The following CDH18 variants were observed in gnomAD, a reference collection of about 807,000 sequenced individuals.
CDH18 encodes cadherin 18, also known as cadherin-18.
A neutral mutation model predicts 67.9 loss-of-function variants in CDH18; 31 were observed. The ratio of observed to expected loss-of-function variants is 0.46; its 90% confidence interval spans 0.34 to 0.62. The LOEUF (loss-of-function observed/expected upper bound fraction) is 0.62, where lower values mean the gene tolerates loss of function less well. Among genes scored for constraint, CDH18 ranks in the 20% least tolerant of loss-of-function variants. CDH18 has a pLI of 0.01. For synonymous variants in CDH18, 362 were observed against 347.2 expected (o/e 1.04, Z -0.48); for missense variants, 890 against 975.5 (o/e 0.91, Z 1.17).
intron 1 of CDH18, among the ~76,000 whole-genome samples, chr5:20,553,756 C>G (rs1757765257): frequency 6.6e-6 from 1 of 152,110 alleles, no homozygotes; most frequent in Non-Finnish European, 1.5e-5. Flanking sequence ...TCTTCACCCA[C>G]ACTTGAAATG....
chr5:20,278,331 C>T (rs1354578559), intron 1 of CDH18, among the ~76,000 whole-genome samples: 1 of 151,860 alleles, frequency 6.6e-6, no homozygotes, highest in Non-Finnish European at 1.5e-5. Flanking sequence ...TGGTGCAAAT[C>T]TTACAGGGCA....
intron 3 of CDH18, among the ~76,000 whole-genome samples, chr5:19,810,481 G>C (rs1408349750): frequency 6.6e-6 from 1 of 152,040 alleles, no homozygotes; most frequent in African/African-American, 2.4e-5. Context: ...TAATACATTA[G>C]AGATAAAACT....
chr5:19,794,554 T>C (rs1368950977), intron 3 of CDH18, among the ~76,000 whole-genome samples: 1 of 152,092 alleles, frequency 6.6e-6, no homozygotes, highest in Non-Finnish European at 1.5e-5. Context: ...AATTGATCCC[T>C]TTTTTTCTCT....
chr5:20,536,596 G>A (rs1290347171), intron 1 of CDH18, among the ~76,000 whole-genome samples: 1 of 152,050 alleles, frequency 6.6e-6, no homozygotes, highest in Non-Finnish European at 1.5e-5. Flanking sequence ...TGGTTATAAT[G>A]GTGGTTTAAG....
chr5:20,447,881 C>CTTATT (rs1042265434), intron 1 of CDH18, among the ~76,000 whole-genome samples: 1 of 151,880 alleles, frequency 6.6e-6, no homozygotes, highest in Non-Finnish European at 1.5e-5. Context: ...TTTGAGATCT[C>CTTATT]TTATTTTATT....
intron 1 of CDH18, among the ~76,000 whole-genome samples, chr5:20,410,361 T>G (rs896865753): frequency 6.6e-6 from 1 of 151,822 alleles, no homozygotes; most frequent in African/African-American, 2.4e-5. Flanking sequence ...ATAGACTACA[T>G]TAACGAAATA....
At chr5:19,921,221 C>CA (rs1460349268) in intron 2 of CDH18, among the ~76,000 whole-genome samples, 1 of 151,822 alleles carries the variant, frequency 6.6e-6, no homozygotes, top group Non-Finnish European at 1.5e-5. Context: ...ATATACATTT[C>CA]AAAAAATTCC....
chr5:19,735,018 C>T (rs923944747), intron 4 of CDH18, among the ~76,000 whole-genome samples: 1 of 152,122 alleles, frequency 6.6e-6, no homozygotes, highest in Non-Finnish European at 1.5e-5. Context: ...TGTCCTCCCT[C>T]GGAGGCAAAT....
chr5:20,073,383 A>C (rs2150528710), intron 2 of CDH18, among the ~76,000 whole-genome samples: 1 of 151,932 alleles, frequency 6.6e-6, no homozygotes, highest in Admixed American at 6.6e-5. Flanking sequence ...AATGAATTTT[A>C]TTTTGCAGTT....
intron 2 of CDH18, among the ~76,000 whole-genome samples, chr5:20,129,287 AGT>A (rs1749074928): frequency 6.6e-6 from 1 of 152,044 alleles, no homozygotes; most frequent in Non-Finnish European, 1.5e-5. Context: ...CAATTTTTTC[AGT>A]TATTTCCAGT....
intron 2 of CDH18, among the ~76,000 whole-genome samples, chr5:20,150,518 A>T (rs1453224773): frequency 2.0e-5 from 3 of 152,110 alleles, no homozygotes; most frequent in South Asian, 4.1e-4. Context: ...AAAGGGAAGG[A>T]TGGGGCTGTG....
intron 9 of CDH18, among the ~76,000 whole-genome samples, chr5:19,527,062 A>G (rs988945756): frequency 1.2e-4 from 18 of 151,952 alleles, no homozygotes; most frequent in African/African-American, 4.1e-4. Flanking sequence ...CATTCTTTTG[A>G]ATACTTACTG....
intron 2 of CDH18, among the ~76,000 whole-genome samples, chr5:20,174,939 A>C (rs938298215): frequency 4.6e-5 from 7 of 152,226 alleles, no homozygotes; most frequent in African/African-American, 9.6e-5. Flanking sequence ...ATTAGGTTCT[A>C]TTTTTATACA....
chr5:20,455,823 T>C (rs1022404203), intron 1 of CDH18, among the ~76,000 whole-genome samples: 1 of 152,140 alleles, frequency 6.6e-6, no homozygotes, highest in African/African-American at 2.4e-5. Context: ...TTATCTGTTC[T>C]ACACAGATTT....
At chr5:20,486,920 T>C (rs182901994) in intron 1 of CDH18, among the ~76,000 whole-genome samples, 38 of 152,260 alleles carry the variant, frequency 2.5e-4, no homozygotes, top group Admixed American at 9.8e-4. Flanking sequence ...TGTCTCAACA[T>C]GAAAACTGCA....
intron 1 of CDH18, among the ~76,000 whole-genome samples, chr5:20,389,891 A>G (rs948376746): frequency 4.6e-5 from 7 of 152,150 alleles, no homozygotes; most frequent in African/African-American, 7.2e-5. Context: ...ATGGGGAAAC[A>G]ATTCCCTATT....
At chr5:20,108,251 A>ACTTTATTTTTTTTTTTTTTTT (rs1747145539) in intron 2 of CDH18, among the ~76,000 whole-genome samples, 1 of 151,036 alleles carries the variant, frequency 6.6e-6, no homozygotes, top group Admixed American at 6.6e-5. Flanking sequence ...GGCTAATTTT[A>ACTTTATTTTTTTTTTTTTTTT]TTTTATTTTT....
chr5:20,030,399 A>T (rs1157584641), intron 2 of CDH18, among the ~76,000 whole-genome samples: 2 of 152,198 alleles, frequency 1.3e-5, no homozygotes, highest in Admixed American at 6.5e-5. Context: ...TAATCCTAAG[A>T]TATTTCATGG....
intron 2 of CDH18, among the ~76,000 whole-genome samples, chr5:20,189,989 G>A (rs1738410886): frequency 6.6e-6 from 1 of 152,106 alleles, no homozygotes; most frequent in Non-Finnish European, 1.5e-5. Context: ...TGCAGCAGAT[G>A]AGCCATAGAG....
Sources: gnomAD v4.1 joint callset for allele counts (sites outside exome capture counted in the v4.1 genomes callset) on GRCh38, gnomAD v4.1.1 for gene constraint, MANE v1.5 for transcripts, NCBI Gene and HGNC (gene_info 2026-07-23, HGNC 2026-07-21) for gene names.